SLCO1C1: variants seen among roughly 807,000 people sequenced by gnomAD.
SLCO1C1 encodes OAT-RP-5.
SLCO1C1 carries 70 observed loss-of-function variants against 76.4 expected under a neutral mutation model. That is an observed-to-expected ratio of 0.92 (90% CI 0.76 to 1.12). The LOEUF is 1.12. Among genes scored for constraint, SLCO1C1 ranks in the 50% most tolerant of loss-of-function variants. The pLI is 0.00. For missense variants in SLCO1C1, 912 were observed against 823.8 expected, an observed-to-expected ratio of 1.11 and a Z score of -1.31; for synonymous variants, 306 against 286.1, an observed-to-expected ratio of 1.07 and a Z score of -0.70.
chr12:20,720,957 A>G (rs1294007810), intron 7 of SLCO1C1, among the ~76,000 whole-genome samples: 2 of 138,350 alleles, frequency 1.4e-5, no homozygotes, highest in Non-Finnish European at 3.1e-5. Context: ...AGATCGCGCC[A>G]TTGCACTCCA....
intron 11 of SLCO1C1, 145 bp from the exon 12 acceptor site, chr12:20,740,039 C>T (rs1296682539): frequency 2.5e-6 from 2 of 795,780 alleles, no homozygotes; most frequent in Non-Finnish European, 3.9e-6. Flanking sequence ...TTGCTTTGCT[C>T]AATATACTGT....
chr12:20,712,193 G>A (rs1947142198), intron 5 of SLCO1C1, among the ~76,000 whole-genome samples: 1 of 152,136 alleles, frequency 6.6e-6, no homozygotes, highest in African/African-American at 2.4e-5. Context: ...TTTTTCACCT[G>A]AGCAAGGATG....
At position 20,723,260 on chromosome 12, in the gene SLCO1C1, C is replaced by G; in HGVS notation, c.1186+6C>G. ...CAGGGCCAACTTTGTGATCGGTATG[C>G]TCATCTGCCTTTCATGCTTTCTCAG... On this transcript the variant is annotated splice_donor_region_variant and intron_variant, in intron 9 of 14. Coordinates refer to ENST00000266509, the MANE Select transcript of SLCO1C1 (RefSeq NM_017435.5). 6.2e-7 allele frequency: 1 copy of G among 1,612,518 alleles called. No individual in the cohort carries two copies. The highest frequency in any genetic ancestry group is 8.5e-7 in the Non-Finnish European group (1 of 1,179,530).
intron 13 of SLCO1C1, among the ~76,000 whole-genome samples, chr12:20,747,434 A>AC (rs71039985): frequency 0.43 from 64,640 of 151,942 alleles, 16,860 homozygotes; most frequent in East Asian, 0.6. Context: ...GTCTCAAAAA[A>AC]AAATAGAGTT....
At chr12:20,717,751 C>T (rs1224734818) in intron 7 of SLCO1C1, among the ~76,000 whole-genome samples, 1 of 129,510 alleles carries the variant, frequency 7.7e-6, no homozygotes, top group Non-Finnish European at 1.6e-5. Flanking sequence ...GGAAGACTGG[C>T]TTTTCTTCTG....
Position 20,721,879 on chromosome 12 carries a change from T to C in SLCO1C1, c.851T>C (p.Ile284Thr). Residue 284 changes from isoleucine (I) to threonine (T), a missense_variant, in exon 8 of 15, where the codon ATA becomes ACA. Transcript: ENST00000266509. ...CTTGGCTATCTAATAGCAGGAATCA[T>C]AAGTCTTCTTGCAGCTGTGCCTTTC... ...WWLGYLIAGI[I>T]SLLAAVPFWY... 1.2e-6 allele frequency: 2 copies of C among 1,614,162 alleles called. No individual in the cohort carries two copies. The highest frequency in any genetic ancestry group is 1.7e-6 in the Non-Finnish European group (2 of 1,180,010).
intron 2 of SLCO1C1, 181 bp downstream of exon 2, chr12:20,699,886 G>T: frequency 1.9e-6 from 1 of 526,108 alleles, no homozygotes; most frequent in Non-Finnish European, 3.0e-6. Context: ...GACCATGTGG[G>T]TTAAATTACT....
chr12:20,721,900 C>T lies in SLCO1C1; in HGVS notation c.872C>T (p.Pro291Leu). The T allele has an allele frequency of 6.2e-7, 1 of 1,614,110 alleles. No individual in the cohort carries two copies. Among genetic ancestry groups the T allele is most frequent in the Admixed American group, 1.7e-5 (1 of 60,010 alleles). ...AGIISLLAAV[P>L]FWYLPKSLPR... ...ATCATAAGTCTTCTTGCAGCTGTGC[C>T]TTTCTGGTATTTACCAAAGAGTTTA... Residue 291 changes from proline (P) to leucine (L), a missense_variant, in exon 8 of 15, where the codon CCT becomes CTT. Physicochemically the swap from Pro to Leu is moderately conservative, Grantham distance 98. Transcript: ENST00000266509.
Position 20,710,197 on chromosome 12 carries a change from TTTC to T in SLCO1C1, c.405-1186_405-1184del, listed in dbSNP as rs1311678932. 1.6e-4 allele frequency among the ~76,000 whole-genome samples: 22 copies of T among 133,462 alleles called. 3 individuals are homozygous for T. The highest frequency in any genetic ancestry group is 7.3e-4 in the African/African-American group (22 of 29,964). 87.6% of individuals were successfully genotyped at this position (133,462 alleles called of 152,430 possible). ...CATGCTGAATAAACAGTTCTCTACT[TTTC>T]TTTTTTTTTTTTTTTTTTTTTTTTT... is the stretch of plus-strand genomic sequence containing the variant. On this transcript the variant is annotated intron_variant, in intron 4 of 14. Coordinates refer to ENST00000266509, the MANE Select transcript of SLCO1C1 (RefSeq NM_017435.5).
chr12:20,739,609 C>A (rs1490701472), intron 11 of SLCO1C1, among the ~76,000 whole-genome samples: 1 of 151,878 alleles, frequency 6.6e-6, no homozygotes, highest in Non-Finnish European at 1.5e-5. Context: ...ATGTGTGTGG[C>A]TTACACAGAA....
chr12:20,749,967 C>T (rs1949219635), intron 13 of SLCO1C1, among the ~76,000 whole-genome samples: 1 of 152,154 alleles, frequency 6.6e-6, no homozygotes, highest in South Asian at 2.1e-4. Flanking sequence ...GGCATTCAGA[C>T]AAGAGGAGAG....
At chr12:20,747,182 T>C (rs1949084648) in intron 13 of SLCO1C1, among the ~76,000 whole-genome samples, 1 of 152,190 alleles carries the variant, frequency 6.6e-6, no homozygotes, top group Non-Finnish European at 1.5e-5. Flanking sequence ...CCCAGCACTT[T>C]GGGAGGCTGA....
chr12:20,751,893 T>A (rs1949323892), intron 14 of SLCO1C1, among the ~76,000 whole-genome samples: 1 of 152,122 alleles, frequency 6.6e-6, no homozygotes, highest in Non-Finnish European at 1.5e-5. Context: ...TCCAAAGAAA[T>A]GAAGTTGGGA....
chr12:20,715,236 T>A lies in SLCO1C1; in HGVS notation c.627T>A (p.Ile209=). The A allele has an allele frequency of 6.2e-7, 1 of 1,614,090 alleles. No individual in the cohort carries two copies. Among genetic ancestry groups the A allele is most frequent in the Non-Finnish European group, 8.5e-7 (1 of 1,179,940 alleles). Residue 209 remains isoleucine (I), a synonymous_variant, in exon 6 of 15, where the codon ATT becomes ATA. Transcript: ENST00000266509. The part of the protein sequence containing the change: ...IGETPIQPLG[I]AYLDDFASED... ...AAACTCCCATTCAGCCTTTGGGCAT[T>A]GCCTACCTGGATGATTTTGCCAGTG...
At chr12:20,713,794 T>C (rs1947246820) in intron 5 of SLCO1C1, among the ~76,000 whole-genome samples, 2 of 152,192 alleles carry the variant, frequency 1.3e-5, no homozygotes, top group Admixed American at 6.5e-5. Flanking sequence ...ATAGTTAGTG[T>C]GACAGAGAAA....
rs1365833668 is a variant in SLCO1C1, at chr12:20,737,224, A to C, written c.1500A>C (p.Ser500=). Residue 500 remains serine (S), a synonymous_variant, in exon 11 of 15, where the codon TCA becomes TCC. Coordinates refer to ENST00000266509, the MANE Select transcript of SLCO1C1 (RefSeq NM_017435.5). ...GTGAAAATGGAATCACATATGTATC[A>C]GCTTGTCTTGCTGGTTGTCAAACCT... is the stretch of plus-strand genomic sequence containing the variant. ...MCGENGITYV[S]ACLAGCQTSN... 1 of 1,571,298 alleles carries C rather than the reference A, an allele frequency of 6.4e-7. No homozygotes were observed. The highest frequency in any genetic ancestry group is 1.2e-5 in the South Asian group (1 of 82,794).
At chr12:20,749,696 G>C (rs1290432112) in intron 13 of SLCO1C1, among the ~76,000 whole-genome samples, 1 of 152,166 alleles carries the variant, frequency 6.6e-6, no homozygotes, top group African/African-American at 2.4e-5. Flanking sequence ...CATTTTCTGA[G>C]AACCTACTAG....
chr12:20,751,415 T>C (rs1206739260), intron 14 of SLCO1C1, among the ~76,000 whole-genome samples: 1 of 122,166 alleles, frequency 8.2e-6, no homozygotes, highest in Non-Finnish European at 1.9e-5. Flanking sequence ...CAAAAAGCAT[T>C]GAAGCAATGG....
At chr12:20,726,934 C>T (rs1321053517) in intron 9 of SLCO1C1, among the ~76,000 whole-genome samples, 1 of 152,150 alleles carries the variant, frequency 6.6e-6, no homozygotes, top group Admixed American at 6.5e-5. Flanking sequence ...ATATTTAGCT[C>T]CCACTGATAT....
Sources: allele counts gnomAD v4.1 joint callset (sites outside exome capture counted in the v4.1 genomes callset), GRCh38; gene constraint gnomAD v4.1.1; transcripts MANE v1.5; gene names NCBI Gene and HGNC (gene_info 2026-07-23, HGNC 2026-07-21).